The following SIPA1L3 variants were observed in gnomAD, a reference collection of about 807,000 sequenced individuals.
SIPA1L3 encodes signal induced proliferation associated 1 like 3.
In SIPA1L3, 59 loss-of-function variants were observed where a neutral mutation model predicts 150.1. That is an observed-to-expected ratio of 0.39 (90% CI 0.32 to 0.49). The LOEUF (loss-of-function observed/expected upper bound fraction) is 0.49. Ranked by LOEUF, SIPA1L3 falls within the 20% of genes least tolerant of loss-of-function variation. The pLI is 0.86. For synonymous variants in SIPA1L3, 1,070 were observed against 1,077.6 expected, an observed-to-expected ratio of 0.99 and a Z score of 0.14; for missense variants, 2,211 against 2,489.5, an observed-to-expected ratio of 0.89 and a Z score of 2.38.
intron 1 of SIPA1L3, among the ~76,000 whole-genome samples, chr19:37,923,853 G>A (rs565876808): frequency 6.6e-6 from 1 of 151,818 alleles, no homozygotes; most frequent in South Asian, 2.1e-4. Flanking sequence ...TCTGCCTCTC[G>A]GGTTCAAGCG....
intron 17 of SIPA1L3, 93 bp from the exon 18 acceptor site, chr19:38,193,444 C>A: frequency 7.4e-7 from 1 of 1,342,622 alleles, no homozygotes; most frequent in Non-Finnish European, 9.5e-7. Flanking sequence ...GGTAAGGACT[C>A]GCCACCAATG....
At chr19:37,918,865 G>A (rs1029789399) in intron 1 of SIPA1L3, among the ~76,000 whole-genome samples, 32 of 143,062 alleles carry the variant, frequency 2.2e-4, no homozygotes, top group South Asian at 6.8e-4. Context: ...AGCGAGACTC[G>A]GTCTCAAAAT....
chr19:38,009,638 T>C (rs750631759), intron 1 of SIPA1L3, among the ~76,000 whole-genome samples: 2 of 152,084 alleles, frequency 1.3e-5, no homozygotes, highest in Non-Finnish European at 2.9e-5. Context: ...CCTCCCACCA[T>C]GTTACTGATG....
At chr19:38,042,456 A>C (rs1479172318) in intron 2 of SIPA1L3, among the ~76,000 whole-genome samples, 1 of 152,158 alleles carries the variant, frequency 6.6e-6, no homozygotes, top group Non-Finnish European at 1.5e-5. Flanking sequence ...TATAAATTTT[A>C]AGATTGCTTA....
chr19:37,990,874 T>A (rs1021783323), intron 1 of SIPA1L3, among the ~76,000 whole-genome samples: 2 of 152,134 alleles, frequency 1.3e-5, no homozygotes, highest in South Asian at 2.1e-4. Context: ...GTTGTTAGCC[T>A]TTTTTTCCAG....
intron 9 of SIPA1L3, among the ~76,000 whole-genome samples, chr19:38,121,979 G>A (rs1971032186): frequency 6.6e-6 from 1 of 152,076 alleles, no homozygotes; most frequent in Non-Finnish European, 1.5e-5. Context: ...CCAGCACTTG[G>A]GGAGGCCGAG....
chr19:38,080,100 A>G (rs1263869889), intron 2 of SIPA1L3, among the ~76,000 whole-genome samples: 1 of 152,120 alleles, frequency 6.6e-6, no homozygotes. Flanking sequence ...ATCTCAGTGA[A>G]AAAGTGATGG....
At chr19:38,129,105 C>T (rs1212024007) in intron 9 of SIPA1L3, among the ~76,000 whole-genome samples, 1 of 152,082 alleles carries the variant, frequency 6.6e-6, no homozygotes, top group African/African-American at 2.4e-5. Context: ...TGGTTACATT[C>T]ATCTTGTTTT....
intron 6 of SIPA1L3, among the ~76,000 whole-genome samples, chr19:38,105,630 G>GT (rs1970605406): frequency 1.3e-5 from 2 of 152,128 alleles, no homozygotes; most frequent in African/African-American, 4.8e-5. Context: ...TCCCTGACTG[G>GT]TATAATCTGA....
intron 1 of SIPA1L3, among the ~76,000 whole-genome samples, chr19:37,969,644 C>T (rs1221004099): frequency 2.6e-5 from 4 of 152,168 alleles, no homozygotes; most frequent in Non-Finnish European, 4.4e-5. Flanking sequence ...GCTGGCCTTG[C>T]TTACTGCACA....
chr19:37,985,351 C>T (rs542130707), intron 1 of SIPA1L3, among the ~76,000 whole-genome samples: 2 of 152,210 alleles, frequency 1.3e-5, no homozygotes, highest in East Asian at 3.9e-4. Context: ...TGCCACCATG[C>T]CCAGCCAATT....
At chr19:37,937,815 G>C (rs189606049) in intron 1 of SIPA1L3, among the ~76,000 whole-genome samples, 3,139 of 147,108 alleles carry the variant, frequency 0.021, 120 homozygotes, top group African/African-American at 0.074. Flanking sequence ...GGGAGGCTGA[G>C]GTGGGCAGAT....
chr19:37,978,018 AG>A (rs1475867805), intron 1 of SIPA1L3, among the ~76,000 whole-genome samples: 2 of 152,254 alleles, frequency 1.3e-5, no homozygotes, highest in Admixed American at 1.3e-4. Flanking sequence ...TTTAGTCTCC[AG>A]GATGAGGTTC....
At chr19:38,059,025 C>CAA (rs74176410) in intron 2 of SIPA1L3, among the ~76,000 whole-genome samples, 43 of 90,826 alleles carry the variant, frequency 4.7e-4, no homozygotes, top group African/African-American at 1.5e-3. Context: ...AACTCTGTCT[C>CAA]AAAAAAAAAA....
At chr19:38,204,312 C>A (rs1367430216) in intron 21 of SIPA1L3, 104 bp downstream of exon 21, 1 of 800,948 alleles carries the variant, frequency 1.2e-6, no homozygotes, top group Non-Finnish European at 2.0e-6. Flanking sequence ...CCCACCCCAC[C>A]CCCACACCTC....
chr19:37,973,534 CAAAA>C (rs59279280), intron 1 of SIPA1L3, among the ~76,000 whole-genome samples: 2 of 51,510 alleles, frequency 3.9e-5, no homozygotes, highest in African/African-American at 8.8e-5. Context: ...TGTGCCTGGC[CAAAA>C]AAAAAAAAAA....
chr19:38,174,221 C>G (rs932182459), intron 15 of SIPA1L3, among the ~76,000 whole-genome samples: 5 of 152,292 alleles, frequency 3.3e-5, no homozygotes, highest in East Asian at 1.9e-4. Context: ...CTCTCTGTGT[C>G]TGCTTCCTGA....
intron 1 of SIPA1L3, among the ~76,000 whole-genome samples, chr19:37,911,398 T>C (rs757306548): frequency 1.3e-5 from 2 of 152,100 alleles, no homozygotes; most frequent in Non-Finnish European, 2.9e-5. Context: ...TCATTACATA[T>C]AGATCTGGCT....
At chr19:37,991,689 G>A (rs544900110) in intron 1 of SIPA1L3, among the ~76,000 whole-genome samples, 4 of 152,184 alleles carry the variant, frequency 2.6e-5, no homozygotes, top group East Asian at 1.9e-4. Flanking sequence ...CTGGAGTTCC[G>A]GAGGCTCCTT....
Sources: gnomAD v4.1 joint callset for allele counts (sites outside exome capture counted in the v4.1 genomes callset) on GRCh38, gnomAD v4.1.1 for gene constraint, MANE v1.5 for transcripts, NCBI Gene and HGNC (gene_info 2026-07-23, HGNC 2026-07-21) for gene names.